The following PPP3CC variants were observed in gnomAD, a reference collection of about 807,000 sequenced individuals.
PPP3CC encodes protein phosphatase 3 catalytic subunit gamma.
Under a neutral mutation model 60.3 loss-of-function variants are expected in PPP3CC, and 35 were observed. That is an observed-to-expected ratio of 0.58 (90% CI 0.44 to 0.77). PPP3CC has a LOEUF of 0.77. Ranked by LOEUF, PPP3CC falls within the 30% of genes least tolerant of loss-of-function variation. The pLI, the probability that PPP3CC is intolerant of heterozygous loss-of-function variation, is 0.00. For synonymous variants in PPP3CC, 206 were observed against 224.3 expected (o/e 0.92, Z 0.73); for missense variants, 570 against 628.9 (o/e 0.91, Z 1.00).
intron 4 of PPP3CC, among the ~76,000 whole-genome samples, chr8:22,501,619 T>G (rs1586839101): frequency 1.3e-5 from 2 of 152,220 alleles, no homozygotes; most frequent in African/African-American, 4.8e-5. Context: ...GTTCCCAATA[T>G]GAATGTTTGC....
intron 3 of PPP3CC, chr8:22,492,636 G>C: frequency 4.7e-6 from 3 of 639,156 alleles, no homozygotes; most frequent in Non-Finnish European, 8.6e-6. Context: ...ACAGTTATGA[G>C]CCAGGAAAGA....
At chr8:22,449,357 G>A (rs1836934527) in intron 1 of PPP3CC, among the ~76,000 whole-genome samples, 1 of 150,954 alleles carries the variant, frequency 6.6e-6, no homozygotes, top group Non-Finnish European at 1.5e-5. Flanking sequence ...GCTGAGGTGG[G>A]AGGATCACCT....
chr8:22,491,265 C>T (rs1838397489), intron 3 of PPP3CC, among the ~76,000 whole-genome samples: 1 of 152,170 alleles, frequency 6.6e-6, no homozygotes, highest in Admixed American at 6.5e-5. Flanking sequence ...GATGGCTCTT[C>T]AGAATGGCTG....
chr8:22,509,011 T>C (rs1839005345), intron 4 of PPP3CC, among the ~76,000 whole-genome samples: 1 of 152,192 alleles, frequency 6.6e-6, no homozygotes, highest in Non-Finnish European at 1.5e-5. Flanking sequence ...ATACAAAATG[T>C]TCTGAAAACC....
chr8:22,450,452 A>G (rs1009765840), intron 1 of PPP3CC, among the ~76,000 whole-genome samples: 1 of 152,200 alleles, frequency 6.6e-6, no homozygotes, highest in Non-Finnish European at 1.5e-5. Flanking sequence ...CAGCCTGGGA[A>G]TCAGGCCAGA....
chr8:22,521,251 C>T (rs1209160636), intron 6 of PPP3CC, among the ~76,000 whole-genome samples: 1 of 152,212 alleles, frequency 6.6e-6, no homozygotes, highest in Non-Finnish European at 1.5e-5. Context: ...AGGACTTCCT[C>T]TTGGCCACAG....
chr8:22,448,955 T>C (rs1158845299), intron 1 of PPP3CC, among the ~76,000 whole-genome samples: 1 of 152,128 alleles, frequency 6.6e-6, no homozygotes, highest in East Asian at 1.9e-4. Flanking sequence ...AAATGTAAAG[T>C]TGGGGACAGC....
At position 22,443,882 on chromosome 8, in the gene PPP3CC, T is replaced by A. The variant is rs116154014; in HGVS notation, c.49+2424T>A. Among the ~76,000 whole-genome samples the A allele has an allele frequency of 9.6e-3, 1,456 of 152,294 alleles. 28 individuals are homozygous for A. The highest frequency in any genetic ancestry group is 0.084 in the East Asian group (438 of 5,186). On this transcript the variant is annotated intron_variant, in intron 1 of 13. Coordinates refer to ENST00000240139, the MANE Select transcript of PPP3CC (RefSeq NM_005605.5). ...CATTGTAACGGGTACTAAACCCTGG[T>A]CTGATGCTATCTTGTTTAGTCACAG...
intron 1 of PPP3CC, among the ~76,000 whole-genome samples, chr8:22,472,122 C>T (rs148429578): frequency 6.6e-6 from 1 of 151,934 alleles, no homozygotes; most frequent in African/African-American, 2.4e-5. Context: ...AAGCGAGATC[C>T]TATCTCAAAA....
chr8:22,518,408 G>A (rs1399725514), intron 6 of PPP3CC, among the ~76,000 whole-genome samples: 1 of 152,138 alleles, frequency 6.6e-6, no homozygotes, highest in Non-Finnish European at 1.5e-5. Context: ...GTTTTCTTAA[G>A]TTATTGATTT....
chr8:22,527,109 G>T (rs1839579126), intron 8 of PPP3CC, among the ~76,000 whole-genome samples: 1 of 152,176 alleles, frequency 6.6e-6, no homozygotes, highest in African/African-American at 2.4e-5. Context: ...GGATCTTGAG[G>T]TTTATATAGA....
At position 22,532,918 on chromosome 8, in the gene PPP3CC, C is replaced by A; in HGVS notation, c.1224-3C>A. ...TAACCCAGGGTTTGGTCTCCCTTTGCAGGCAAGAAAGTGAGAGTGTGCTGA... is the reference window on the plus strand; with the variant it reads ...TAACCCAGGGTTTGGTCTCCCTTTGAAGGCAAGAAAGTGAGAGTGTGCTGA... On this transcript the variant is annotated splice_polypyrimidine_tract_variant and splice_region_variant and intron_variant, in intron 11 of 13. Coordinates refer to ENST00000240139, the MANE Select transcript of PPP3CC (RefSeq NM_005605.5). The A allele has an allele frequency of 6.4e-7, 1 of 1,572,124 alleles. No homozygotes were observed. Among genetic ancestry groups the A allele is most frequent in the Non-Finnish European group, 8.6e-7 (1 of 1,156,844 alleles).
intron 3 of PPP3CC, among the ~76,000 whole-genome samples, chr8:22,487,494 G>A (rs1357873808): frequency 1.3e-5 from 2 of 152,126 alleles, no homozygotes; most frequent in South Asian, 2.1e-4. Flanking sequence ...GCGTGGTGGC[G>A]TGTGCTTGTA....
chr8:22,445,788 G>A (rs1315248815), intron 1 of PPP3CC, among the ~76,000 whole-genome samples: 1 of 152,058 alleles, frequency 6.6e-6, no homozygotes, highest in Non-Finnish European at 1.5e-5. Context: ...ATATCTCCTG[G>A]ATTTGTCAAC....
chr8:22,493,057 T>G, intron 3 of PPP3CC: 1 of 1,458,628 alleles, frequency 6.9e-7, no homozygotes, highest in Non-Finnish European at 9.5e-7. Context: ...GTGGAGAATT[T>G]TGATGAGGCT....
At chr8:22,537,615 A>G (rs982560902) in intron 12 of PPP3CC, among the ~76,000 whole-genome samples, 2 of 152,262 alleles carry the variant, frequency 1.3e-5, no homozygotes, top group Non-Finnish European at 2.9e-5. Context: ...ACAAATGTTC[A>G]TAAATGGCAT....
At chr8:22,501,549 G>A (rs1395691981) in intron 4 of PPP3CC, among the ~76,000 whole-genome samples, 1 of 152,134 alleles carries the variant, frequency 6.6e-6, no homozygotes, top group East Asian at 1.9e-4. Flanking sequence ...TGTTGACCAG[G>A]GATGACTCTT....
rs1473871409 is a variant in PPP3CC, at chr8:22,475,063, A to G, written c.159A>G (p.Glu53=). ...ATTTGGTAAAGGAAGGACGACTGGA[A>G]GAGGAAGTAGCCTTAAAGATAATCA... is the stretch of plus-strand genomic sequence containing the variant. The part of the protein sequence containing the change: ...KNHLVKEGRL[E]EEVALKIIND... The change falls in exon 2 of 14, where the codon GAA becomes GAG. Residue 53 remains glutamate, a synonymous_variant. Coordinates refer to ENST00000240139, the MANE Select transcript of PPP3CC (RefSeq NM_005605.5). 6.2e-7 allele frequency: 1 copy of G among 1,613,698 alleles called. No homozygotes were observed. Among genetic ancestry groups the G allele is most frequent in the Non-Finnish European group, 8.5e-7 (1 of 1,179,716 alleles).
intron 3 of PPP3CC, among the ~76,000 whole-genome samples, chr8:22,493,678 C>A (rs577245303): frequency 2.7e-4 from 41 of 152,270 alleles, no homozygotes; most frequent in African/African-American, 9.9e-4. Flanking sequence ...ACTGGAAGGC[C>A]TTCAGGGGCA....
Sources: gnomAD v4.1 joint callset for allele counts (sites outside exome capture counted in the v4.1 genomes callset) on GRCh38, gnomAD v4.1.1 for gene constraint, MANE v1.5 for transcripts, NCBI Gene and HGNC (gene_info 2026-07-23, HGNC 2026-07-21) for gene names.